MAPK6: variants seen among roughly 807,000 people sequenced by gnomAD.
The protein encoded by MAPK6 is mitogen-activated protein kinase 6.
Under a neutral mutation model 59.3 loss-of-function variants are expected in MAPK6, and 19 were observed. That is an observed-to-expected ratio of 0.32 (90% CI 0.22 to 0.47). The LOEUF (loss-of-function observed/expected upper bound fraction) is 0.47. Ranked by LOEUF, MAPK6 falls within the 20% of genes least tolerant of loss-of-function variation. MAPK6 has a pLI of 1.00. For missense variants in MAPK6, 724 were observed against 847.9 expected (o/e 0.85, Z 1.81); for synonymous variants, 316 against 290.3 (o/e 1.09, Z -0.90).
At chr15:52,053,366 G>C (rs899929110) in intron 3 of MAPK6, among the ~76,000 whole-genome samples, 1 of 151,942 alleles carries the variant, frequency 6.6e-6, no homozygotes, top group Non-Finnish European at 1.5e-5. Flanking sequence ...GGGAGCCATT[G>C]CACCCGGCCT....
Position 52,063,878 on chromosome 15 carries a change from C to A in MAPK6, c.1068-24C>A, listed in dbSNP as rs556999957. The stretch of plus-strand genomic sequence containing the variant: ...AAATGAAATCATATACGTAGAATAA[C>A]GCTAGTGTATTGATTTTTTTCAGGT... On this transcript the variant is annotated intron_variant, in intron 5 of 5. Coordinates refer to ENST00000261845, the MANE Select transcript of MAPK6 (RefSeq NM_002748.4). The A allele has an allele frequency of 3.9e-6, 6 of 1,523,544 alleles. No individual in the cohort carries two copies. The Admixed American group carries it at 1.3e-4, about 33-fold the overall frequency. 94.4% of individuals were successfully genotyped at this position (1,523,544 alleles called of 1,614,324 possible).
At chr15:52,021,662 G>A (rs1226115290) in intron 1 of MAPK6, 3 of 152,078 alleles carry the variant, frequency 2.0e-5, no homozygotes, top group African/African-American at 7.2e-5. Flanking sequence ...TGTTTATAAA[G>A]GACAGATAGT....
intron 1 of MAPK6, among the ~76,000 whole-genome samples, chr15:52,032,186 A>AT (rs566086048): frequency 0.036 from 3,368 of 92,400 alleles, 105 homozygotes; most frequent in East Asian, 0.12. Flanking sequence ...ACAATTTTTA[A>AT]TTTTTTTTTT....
At chr15:52,051,308 C>T (rs370728145) in intron 3 of MAPK6, among the ~76,000 whole-genome samples, 2 of 152,026 alleles carry the variant, frequency 1.3e-5, no homozygotes, top group Admixed American at 6.5e-5. Flanking sequence ...CCACCCGCCT[C>T]GGCCTCCCAA....
chr15:52,062,481 TTGGC>T (rs2032241502), intron 5 of MAPK6, among the ~76,000 whole-genome samples: 1 of 152,142 alleles, frequency 6.6e-6, no homozygotes, highest in African/African-American at 2.4e-5. Flanking sequence ...CTAGGAAAGT[TTGGC>T]TGGGCGCGGT....
chr15:51,976,527 T>TA (rs201118957), intron 1 of MAPK6, among the ~76,000 whole-genome samples: 4 of 149,672 alleles, frequency 2.7e-5, no homozygotes, highest in Non-Finnish European at 4.5e-5. Context: ...CACTGGGGAT[T>TA]AAAAAAAAAA....
At chr15:52,008,609 C>G (rs976432412) in intron 3 of MAPK6, among the ~76,000 whole-genome samples, 1 of 152,200 alleles carries the variant, frequency 6.6e-6, no homozygotes, top group Non-Finnish European at 1.5e-5. Flanking sequence ...CCACATCTGA[C>G]TTCACTACAC....
At chr15:52,041,167 G>A (rs2031405176) in intron 1 of MAPK6, among the ~76,000 whole-genome samples, 1 of 151,970 alleles carries the variant, frequency 6.6e-6, no homozygotes, top group African/African-American at 2.4e-5. Context: ...TTTTTCCTGG[G>A]TCTAAGCTTT....
intron 3 of MAPK6, among the ~76,000 whole-genome samples, chr15:52,051,622 C>T (rs977745968): frequency 2.0e-4 from 31 of 151,996 alleles, no homozygotes; most frequent in African/African-American, 6.5e-4. Context: ...GCCTGTAATC[C>T]CAGCACTTTG....
chr15:52,001,509 CT>C (rs71130114), intron 2 of MAPK6, among the ~76,000 whole-genome samples: 35 of 128,068 alleles, frequency 2.7e-4, no homozygotes, highest in African/African-American at 5.0e-4. Flanking sequence ...CTTTTCCTTT[CT>C]TTTTTTTTTT....
rs1308906598 is a variant in MAPK6 at position 52,066,391 on chromosome 15, T to G, written c.*1391T>G. 1.3e-5 allele frequency: 2 copies of G among 152,348 alleles called. No homozygotes were observed. Among genetic ancestry groups the G allele is most frequent in the East Asian group, 3.9e-4 (2 of 5,192 alleles). The allele number at this position is 152,348 out of a possible 1,614,324, so 9.4% of individuals were successfully genotyped here. ...CTGAGAAGGTTCAAGTCTTTTGACT[T>G]AAACCATCACATATTAGAATGGAAT... is the stretch of plus-strand genomic sequence containing the variant. On this transcript the variant is annotated 3_prime_UTR_variant, in exon 6 of 6. Coordinates refer to ENST00000261845, the MANE Select transcript of MAPK6 (RefSeq NM_002748.4).
chr15:52,055,515 TTTTGTTTG>T (rs199944122), intron 3 of MAPK6, among the ~76,000 whole-genome samples: 13 of 152,154 alleles, frequency 8.5e-5, no homozygotes, highest in East Asian at 3.8e-4. Context: ...CAAAGGGTTT[TTTTGTTTG>T]TTTGTTTGTT....
At position 52,050,022 on chromosome 15, in the gene MAPK6, A is replaced by G. The variant is rs1348352352; in HGVS notation, c.585A>G (p.Lys195=). 2 of 1,611,890 alleles carry G rather than the reference A, an allele frequency of 1.2e-6. No individual in the cohort carries two copies. The highest frequency in any genetic ancestry group is 1.3e-5 in the African/African-American group (1 of 74,844). Residue 195 remains lysine (K), a synonymous_variant, in exon 3 of 6, where the codon AAA becomes AAG. Coordinates refer to ENST00000261845, the MANE Select transcript of MAPK6 (RefSeq NM_002748.4). ...KGHLSEGLVT[K]WYRSPRLLLS... ...ATCTTTCTGAAGGATTGGTTACTAA[A>G]TGGTACAGATCTCCACGTCTTTTAC... is the stretch of plus-strand genomic sequence containing the variant.
At chr15:52,019,057 C>A (rs967559177), upstream of MAPK6, 4 of 152,292 alleles carry the variant, frequency 2.6e-5, no homozygotes, top group Non-Finnish European at 5.9e-5. Context: ...AGACGCCGGA[C>A]GAGCCGCGTG....
At chr15:51,981,163 T>C (rs2057171604) in intron 1 of MAPK6, among the ~76,000 whole-genome samples, 1 of 151,640 alleles carries the variant, frequency 6.6e-6, no homozygotes, top group Non-Finnish European at 1.5e-5. Context: ...AAGGTTCCAA[T>C]ATGCTTCCTA....
chr15:52,010,051 G>A lies in MAPK6; in HGVS notation c.-632+5649G>A, dbSNP rs1256194278. 3.3e-5 allele frequency among the ~76,000 whole-genome samples: 5 copies of A among 151,934 alleles called. No individual in the cohort carries two copies. In the South Asian group the frequency reaches 6.2e-4, roughly 19 times the overall value. On this transcript the variant is annotated intron_variant, in intron 3 of 7. Coordinates refer to the MAPK6 transcript ENST00000691380. The stretch of plus-strand genomic sequence containing the variant: ...CTCCCAAAGTGCTGGGATTACAGGC[G>A]TGAGTCACCGTGCCTGGCCTTAAGT...
At chr15:51,998,356 C>G (rs146051733) in intron 2 of MAPK6, among the ~76,000 whole-genome samples, 3,404 of 152,068 alleles carry the variant, frequency 0.022, 97 homozygotes, top group East Asian at 0.078. Flanking sequence ...AGGCGCCCAC[C>G]ACCACAGCTG....
intron 3 of MAPK6, among the ~76,000 whole-genome samples, 166 bp from the exon 4 acceptor site, chr15:52,058,467 A>G (rs1282358414): frequency 1.3e-5 from 2 of 152,210 alleles, no homozygotes; most frequent in East Asian, 1.9e-4. Flanking sequence ...CAGAAATTGA[A>G]ATAGATAAGT....
chr15:52,027,426 C>G (rs891102091), intron 1 of MAPK6, among the ~76,000 whole-genome samples: 1 of 150,792 alleles, frequency 6.6e-6, no homozygotes, highest in Non-Finnish European at 1.5e-5. Flanking sequence ...CCCTCCCCCT[C>G]CTGCTTGGAT....
Sources: gnomAD v4.1 joint callset for allele counts (sites outside exome capture counted in the v4.1 genomes callset) on GRCh38, gnomAD v4.1.1 for gene constraint, MANE v1.5 for transcripts, NCBI Gene and HGNC (gene_info 2026-07-23, HGNC 2026-07-21) for gene names.